The following ASIC2 variants were observed in gnomAD, a reference collection of about 807,000 sequenced individuals.
ASIC2 encodes acid sensing ion channel subunit 2, also known as acid-sensing ion channel 2.
Under a neutral mutation model 57.3 loss-of-function variants are expected in ASIC2, and 25 were observed. The observed-to-expected ratio is 0.44, with a 90% confidence interval of 0.32 to 0.61. ASIC2 has a LOEUF of 0.61. Among genes scored for constraint, ASIC2 ranks in the 20% least tolerant of loss-of-function variants. ASIC2 has a pLI of 0.06. For synonymous variants in ASIC2, 319 were observed against 307.5 expected (o/e 1.04, Z -0.39); for missense variants, 641 against 738.1 (o/e 0.87, Z 1.52).
intron 1 of ASIC2, among the ~76,000 whole-genome samples, chr17:33,334,898 G>T (rs1482540512): frequency 1.3e-5 from 2 of 152,228 alleles, no homozygotes; most frequent in African/African-American, 2.4e-5. Context: ...AGCTGTCAGT[G>T]TGATTCACAG....
intron 1 of ASIC2, among the ~76,000 whole-genome samples, chr17:33,141,444 A>G (rs952900888): frequency 1.3e-5 from 2 of 152,348 alleles, no homozygotes; most frequent in African/African-American, 4.8e-5. Context: ...TTTCCTGGCA[A>G]GGAAAAGCGG....
chr17:33,288,379 G>C (rs1054590221), intron 1 of ASIC2, among the ~76,000 whole-genome samples: 3 of 152,064 alleles, frequency 2.0e-5, no homozygotes, highest in African/African-American at 4.8e-5. Flanking sequence ...CAAGCAGAGG[G>C]GCTTGAGGAG....
At chr17:33,979,326 T>C (rs1240376387) in intron 1 of ASIC2, among the ~76,000 whole-genome samples, 2 of 152,116 alleles carry the variant, frequency 1.3e-5, no homozygotes, top group Admixed American at 6.5e-5. Context: ...CACTGGGTCA[T>C]AGAGATTCAG....
chr17:33,876,761 A>T (rs1387155065), intron 1 of ASIC2, among the ~76,000 whole-genome samples: 1 of 152,218 alleles, frequency 6.6e-6, no homozygotes. Flanking sequence ...GGACTGTGGT[A>T]TCTAAAGGAC....
At chr17:33,043,342 G>A (rs1178767339) in intron 3 of ASIC2, among the ~76,000 whole-genome samples, 1 of 152,218 alleles carries the variant, frequency 6.6e-6, no homozygotes, top group African/African-American at 2.4e-5. Context: ...GGGGTCAGGG[G>A]ACATCCTAAT....
chr17:33,874,649 A>G (rs1914507434), intron 1 of ASIC2, among the ~76,000 whole-genome samples: 1 of 152,056 alleles, frequency 6.6e-6, no homozygotes, highest in Non-Finnish European at 1.5e-5. Context: ...CTTTCTTCAT[A>G]CCCCAAACAT....
At chr17:33,433,814 A>T (rs1474624256) in intron 1 of ASIC2, among the ~76,000 whole-genome samples, 1 of 152,076 alleles carries the variant, frequency 6.6e-6, no homozygotes, top group Non-Finnish European at 1.5e-5. Context: ...CTGTACAAAA[A>T]ATCTCCATGA....
At chr17:33,420,689 T>A (rs980273973) in intron 1 of ASIC2, among the ~76,000 whole-genome samples, 1 of 152,148 alleles carries the variant, frequency 6.6e-6, no homozygotes, top group Non-Finnish European at 1.5e-5. Flanking sequence ...CCCTCCAAAA[T>A]AGTTTGAATT....
At chr17:34,027,522 G>T (rs76157945) in intron 1 of ASIC2, among the ~76,000 whole-genome samples, 34 of 152,070 alleles carry the variant, frequency 2.2e-4, no homozygotes, top group Non-Finnish European at 3.8e-4. Context: ...AAACCAACCT[G>T]AGCACTTTAT....
At chr17:34,030,197 A>G (rs538484484) in intron 1 of ASIC2, among the ~76,000 whole-genome samples, 84 of 152,290 alleles carry the variant, frequency 5.5e-4, no homozygotes, top group African/African-American at 1.9e-3. Context: ...AAGAGTGCAC[A>G]CTTTAATTGA....
chr17:34,105,931 G>A (rs1911033905), intron 1 of ASIC2, among the ~76,000 whole-genome samples: 1 of 151,744 alleles, frequency 6.6e-6, no homozygotes, highest in Non-Finnish European at 1.5e-5. Context: ...CTTCAATCTA[G>A]TATACCATCC....
At chr17:33,569,071 G>C (rs1422723804) in intron 1 of ASIC2, 2 of 152,240 alleles carry the variant, frequency 1.3e-5, no homozygotes, top group East Asian at 3.8e-4. Context: ...GGTTTCATGA[G>C]AATAAGATGG....
chr17:33,331,173 T>C (rs1017621064), intron 1 of ASIC2, among the ~76,000 whole-genome samples: 1 of 152,192 alleles, frequency 6.6e-6, no homozygotes, highest in African/African-American at 2.4e-5. Context: ...GAGAATCTAA[T>C]GCCTGATGAT....
chr17:33,824,213 C>T (rs759670783), intron 1 of ASIC2, among the ~76,000 whole-genome samples: 4 of 152,100 alleles, frequency 2.6e-5, no homozygotes, highest in African/African-American at 4.8e-5. Context: ...AATGCCCAGG[C>T]GGGCCTATAT....
chr17:33,435,821 T>G (rs1392112442), intron 1 of ASIC2, among the ~76,000 whole-genome samples: 1 of 152,248 alleles, frequency 6.6e-6, no homozygotes, highest in Non-Finnish European at 1.5e-5. Flanking sequence ...CCTCCTGATG[T>G]ACCACTTGTG....
intron 1 of ASIC2, among the ~76,000 whole-genome samples, chr17:33,720,468 G>A (rs1909353967): frequency 6.6e-6 from 1 of 152,142 alleles, no homozygotes; most frequent in South Asian, 2.1e-4. Flanking sequence ...AAATTGCAAG[G>A]CAACGTTTTA....
intron 8 of ASIC2, among the ~76,000 whole-genome samples, chr17:33,016,704 C>T (rs988727042): frequency 6.6e-6 from 1 of 152,042 alleles, no homozygotes; most frequent in Non-Finnish European, 1.5e-5. Flanking sequence ...TCCGAGCAGC[C>T]TTTGGTCATG....
At chr17:33,771,320 G>A (rs1379179688) in intron 1 of ASIC2, among the ~76,000 whole-genome samples, 1 of 152,164 alleles carries the variant, frequency 6.6e-6, no homozygotes, top group Non-Finnish European at 1.5e-5. Context: ...CAGAGTCTGG[G>A]TGCAACCCTA....
At chr17:34,063,723 C>T (rs974985355) in intron 1 of ASIC2, among the ~76,000 whole-genome samples, 2 of 152,080 alleles carry the variant, frequency 1.3e-5, no homozygotes, top group Admixed American at 6.6e-5. Flanking sequence ...TATACACCAA[C>T]AGCAACCAAG....
Sources: gnomAD v4.1 joint callset for allele counts (sites outside exome capture counted in the v4.1 genomes callset) on GRCh38, gnomAD v4.1.1 for gene constraint, MANE v1.5 for transcripts, NCBI Gene and HGNC (gene_info 2026-07-23, HGNC 2026-07-21) for gene names.